Variants in R3HDM1 observed in about 807,000 individuals in gnomAD.
The protein encoded by R3HDM1 is R3H domain-containing protein 1.
A neutral mutation model predicts 141.1 loss-of-function variants in R3HDM1; 46 were observed. The ratio of observed to expected loss-of-function variants is 0.33; its 90% CI spans 0.26 to 0.42. The LOEUF is 0.42. R3HDM1 is among the 10% of genes least tolerant of loss of function. The pLI is 1.00. For missense variants in R3HDM1, 1,184 were observed against 1,368.3 expected (o/e 0.87, Z 2.12); for synonymous variants, 435 against 472.9 (o/e 0.92, Z 1.04).
intron 17 of R3HDM1, chr2:135,650,607 T>C (rs2065046741): frequency 2.0e-6 from 2 of 979,278 alleles, no homozygotes; most frequent in South Asian, 9.4e-5. Context: ...CAATATTTGA[T>C]CATATAACAT....
chr2:135,541,872 GAAA>G (rs1440791679), intron 1 of R3HDM1, among the ~76,000 whole-genome samples: 1 of 127,076 alleles, frequency 7.9e-6, no homozygotes, highest in Non-Finnish European at 1.7e-5. Flanking sequence ...AAAAAAAAAA[GAAA>G]GAAAGAAAGA....
intron 1 of R3HDM1, among the ~76,000 whole-genome samples, chr2:135,558,199 G>T (rs1573776577): frequency 6.6e-6 from 1 of 152,188 alleles, no homozygotes; most frequent in Admixed American, 6.5e-5. Flanking sequence ...TGATGGAATT[G>T]TTTCGTATCT....
At chr2:135,618,050 GA>G (rs1328515180) in intron 5 of R3HDM1, among the ~76,000 whole-genome samples, 1 of 152,094 alleles carries the variant, frequency 6.6e-6, no homozygotes, top group Non-Finnish European at 1.5e-5. Context: ...TTTATTGCTT[GA>G]AAATGCAAGG....
At chr2:135,660,219 G>A (rs537881749) in intron 18 of R3HDM1, among the ~76,000 whole-genome samples, 1 of 152,284 alleles carries the variant, frequency 6.6e-6, no homozygotes, top group Non-Finnish European at 1.5e-5. Flanking sequence ...TATTTGAAAA[G>A]CCTGGGACCA....
At position 135,699,037 on chromosome 2, in the gene R3HDM1, A is replaced by ATTGATT. The variant is rs1559466073; in HGVS notation, c.2460-10396_2460-10395insTTGATT. The stretch of plus-strand genomic sequence containing the variant: ...TAGATAGATAGATAGATAGATAGAT[A>ATTGATT]GATAGATAAGATAGATAAGATAGAT... On this transcript the variant is annotated intron_variant, in intron 21 of 26. Coordinates refer to ENST00000683871, the MANE Select transcript of R3HDM1 (RefSeq NM_001378107.1). Among the ~76,000 whole-genome samples, 119 of 99,892 alleles carry ATTGATT rather than the reference A, an allele frequency of 1.2e-3. 1 individual carries two copies. The highest frequency in any genetic ancestry group is 3.6e-3 in the African/African-American group (103 of 28,722). 65.5% of individuals were successfully genotyped at this position (99,892 alleles called of 152,430 possible).
chr2:135,616,408 G>A (rs1056165771), intron 4 of R3HDM1, among the ~76,000 whole-genome samples: 4 of 151,998 alleles, frequency 2.6e-5, no homozygotes, highest in Admixed American at 6.6e-5. Flanking sequence ...AGAGAAAATC[G>A]CTTTCTCACC....
At chr2:135,664,601 A>T (rs2034276) in intron 19 of R3HDM1, among the ~76,000 whole-genome samples, 74,723 of 152,094 alleles carry the variant, frequency 0.49, 23,069 homozygotes, top group East Asian at 0.88. Context: ...AGGGAGGAGG[A>T]TGGGGAAATA....
At chr2:135,712,075 A>C (rs2075710268) in intron 23 of R3HDM1, among the ~76,000 whole-genome samples, 1 of 152,214 alleles carries the variant, frequency 6.6e-6, no homozygotes, top group Non-Finnish European at 1.5e-5. Context: ...CAGGAAAAAC[A>C]AAGCCAGGGC....
chr2:135,644,614 A>G (rs1416711602), intron 15 of R3HDM1, among the ~76,000 whole-genome samples: 2 of 152,232 alleles, frequency 1.3e-5, no homozygotes, highest in South Asian at 4.1e-4. Flanking sequence ...TAATTTTATT[A>G]GTGAAATATA....
At chr2:135,586,686 T>A in intron 1 of R3HDM1, 1 of 985,266 alleles carries the variant, frequency 1.0e-6, no homozygotes, top group Non-Finnish European at 1.2e-6. Flanking sequence ...TTTGTTTAGG[T>A]TGGTGGAGTG....
intron 1 of R3HDM1, among the ~76,000 whole-genome samples, chr2:135,593,253 T>A (rs890498442): frequency 6.6e-6 from 1 of 152,108 alleles, no homozygotes; most frequent in Non-Finnish European, 1.5e-5. Context: ...TTTTACCTCA[T>A]GCCAATCAGA....
chr2:135,710,354 G>A, intron 23 of R3HDM1, 123 bp downstream of exon 23: 4 of 1,019,052 alleles, frequency 3.9e-6, no homozygotes, highest in South Asian at 1.7e-5. Flanking sequence ...GCCAGGCGCG[G>A]TGGCTCTCCC....
intron 1 of R3HDM1, among the ~76,000 whole-genome samples, chr2:135,536,303 G>T (rs1457518000): frequency 2.0e-5 from 3 of 152,056 alleles, no homozygotes; most frequent in Non-Finnish European, 1.5e-5. Context: ...AGGACTACAG[G>T]CATATGGCTA....
chr2:135,699,753 T>C (rs2073965674), intron 21 of R3HDM1, among the ~76,000 whole-genome samples: 1 of 152,214 alleles, frequency 6.6e-6, no homozygotes, highest in South Asian at 2.1e-4. Flanking sequence ...GCTTATTATA[T>C]AGAACATTTT....
In R3HDM1 at chr2:135,709,418, T is replaced by C; in HGVS notation, c.2460-15T>C. 6.2e-7 allele frequency: 1 copy of C among 1,613,808 alleles called. No individual in the cohort carries two copies. The highest frequency in any genetic ancestry group is 8.5e-7 in the Non-Finnish European group (1 of 1,179,866). On this transcript the variant is annotated splice_polypyrimidine_tract_variant and intron_variant, in intron 21 of 26. Transcript: ENST00000683871. The stretch of plus-strand genomic sequence containing the variant: ...ATCCTCCTCTCATTATGCTGTTTTT[T>C]TGTTTTTTCCATAGCTCTTCAGTAG...
Position 135,616,698 on chromosome 2 carries a change from C to G in R3HDM1, c.244C>G (p.Leu82Val). Residue 82 changes from leucine to valine, a missense_variant, in exon 5 of 27, where the codon CTT becomes GTT. Leu to Val is a conservative substitution (Grantham distance 32). Around this residue, in one of 5 missense-constraint regions of R3HDM1, gnomAD observed 192 missense variants for 215.7 expected, o/e 0.89. Transcript: ENST00000683871. ...CTCAAAGTTAAAGCTAGTTCGGAGC[C>G]TTGCAGTGTGTGAAGAATCTCCACC... ...SSSKLKLVRS[L>V]AVCEESPPPP... 4 of 1,609,586 alleles carry G rather than the reference C, an allele frequency of 2.5e-6. No individual in the cohort carries two copies. Among genetic ancestry groups the G allele is most frequent in the Non-Finnish European group, 3.4e-6 (4 of 1,177,336 alleles).
intron 1 of R3HDM1, among the ~76,000 whole-genome samples, chr2:135,537,371 C>T (rs1274629190): frequency 1.3e-5 from 2 of 148,576 alleles, no homozygotes; most frequent in Non-Finnish European, 3.0e-5. Flanking sequence ...CTGCAACCTC[C>T]ACCTCCCAGG....
At chr2:135,689,618 G>A (rs2071987564) in intron 21 of R3HDM1, among the ~76,000 whole-genome samples, 1 of 152,272 alleles carries the variant, frequency 6.6e-6, no homozygotes, top group Non-Finnish European at 1.5e-5. Context: ...GAATTATTAT[G>A]TCTACTTTCA....
Position 135,650,440 on chromosome 2 carries a change from A to G in R3HDM1, c.1725+437A>G, listed in dbSNP as rs1164490857. ...TTACAGCTACAGAGGACTTCTAAGT[A>G]TATTTTCTAAGAAGATTTCTGGATA... On this transcript the variant is annotated intron_variant, in intron 17 of 26. Coordinates refer to ENST00000683871, the MANE Select transcript of R3HDM1 (RefSeq NM_001378107.1). 7.1e-6 allele frequency: 7 copies of G among 982,986 alleles called. No individual in the cohort carries two copies. In the South Asian group the frequency reaches 2.4e-4, roughly 33 times the overall value. The allele number at this position is 982,986 out of a possible 1,614,324, so 60.9% of individuals were successfully genotyped here.
Sources: gnomAD v4.1 joint callset for allele counts (sites outside exome capture counted in the v4.1 genomes callset) on GRCh38, gnomAD v4.1.1 for gene constraint, gnomAD v4.1.1 regional missense constraint, MANE v1.5 for transcripts, NCBI Gene and HGNC (gene_info 2026-07-23, HGNC 2026-07-21) for gene names.